The following LDAH variants were observed in gnomAD, a reference collection of about 807,000 sequenced individuals.
LDAH encodes the protein lipid droplet associated hydrolase.
A neutral mutation model predicts 29.6 loss-of-function variants in LDAH; 26 were observed. The observed-to-expected ratio is 0.88, with a 90% CI of 0.64 to 1.22. LDAH has a LOEUF of 1.22. Ranked by LOEUF, LDAH falls within the 50% of genes most tolerant of loss-of-function variation. The pLI, the probability that LDAH is intolerant of heterozygous loss-of-function variation, is 0.00. For synonymous variants in LDAH, 117 were observed against 133.0 expected, an observed-to-expected ratio of 0.88 and a Z score of 0.83; for missense variants, 344 against 387.3, an observed-to-expected ratio of 0.89 and a Z score of 0.94.
intron 2 of LDAH, among the ~76,000 whole-genome samples, chr2:20,798,739 T>A (rs1291245051): frequency 2.6e-5 from 4 of 151,872 alleles, no homozygotes; most frequent in African/African-American, 9.7e-5. Context: ...AAGCTAATCT[T>A]TTTCTTTCAT....
chr2:20,796,792 T>G (rs1671333429), intron 2 of LDAH, among the ~76,000 whole-genome samples: 1 of 152,108 alleles, frequency 6.6e-6, no homozygotes, highest in Non-Finnish European at 1.5e-5. Context: ...TGACACCAAC[T>G]TTAAGAACCA....
At chr2:20,765,723 T>C (rs1042527432) in intron 4 of LDAH, among the ~76,000 whole-genome samples, 1 of 152,128 alleles carries the variant, frequency 6.6e-6, no homozygotes, top group Non-Finnish European at 1.5e-5. Context: ...CTCATGATCC[T>C]CCTACGTAGC....
intron 3 of LDAH, among the ~76,000 whole-genome samples, chr2:20,777,903 C>G (rs1175893357): frequency 6.6e-6 from 1 of 152,106 alleles, no homozygotes; most frequent in East Asian, 1.9e-4. Flanking sequence ...TCAATTGTAT[C>G]AAAACCAGAA....
chr2:20,695,695 G>A (rs1003977462), intron 6 of LDAH, among the ~76,000 whole-genome samples: 9 of 152,018 alleles, frequency 5.9e-5, no homozygotes, highest in Non-Finnish European at 1.3e-4. Context: ...TGATCCACCC[G>A]CCTCGGCCTC....
intron 1 of LDAH, among the ~76,000 whole-genome samples, chr2:20,818,360 G>T (rs1673000401): frequency 6.6e-6 from 1 of 152,068 alleles, no homozygotes; most frequent in African/African-American, 2.4e-5. Context: ...GGAAAATTGG[G>T]AATCTTAGCA....
At chr2:20,745,040 TA>T (rs2124860918) in intron 4 of LDAH, among the ~76,000 whole-genome samples, 1 of 152,326 alleles carries the variant, frequency 6.6e-6, no homozygotes, top group Admixed American at 6.5e-5. Flanking sequence ...CTTAGCTTTT[TA>T]CTTGTTAGGG....
At chr2:20,706,842 A>G (rs1319244680) in intron 5 of LDAH, among the ~76,000 whole-genome samples, 1 of 152,254 alleles carries the variant, frequency 6.6e-6, no homozygotes, top group East Asian at 1.9e-4. Context: ...TTATCATTTG[A>G]AAAGTTTTCA....
chr2:20,804,946 C>G (rs1671958559), intron 1 of LDAH, among the ~76,000 whole-genome samples: 1 of 152,124 alleles, frequency 6.6e-6, no homozygotes, highest in Non-Finnish European at 1.5e-5. Flanking sequence ...CTATCACAAA[C>G]TACAGTATAT....
intron 6 of LDAH, among the ~76,000 whole-genome samples, chr2:20,692,618 T>C (rs991287162): frequency 6.6e-6 from 1 of 152,242 alleles, no homozygotes; most frequent in Non-Finnish European, 1.5e-5. Context: ...ATATTTGTTG[T>C]TGGTGTTAAC....
At chr2:20,794,125 C>A (rs1671152745) in intron 2 of LDAH, among the ~76,000 whole-genome samples, 1 of 152,106 alleles carries the variant, frequency 6.6e-6, no homozygotes, top group African/African-American at 2.4e-5. Context: ...CAAGGAGTAG[C>A]AAGTCACATC....
chr2:20,716,565 T>C (rs1278060816), intron 5 of LDAH, among the ~76,000 whole-genome samples: 6 of 40,426 alleles, frequency 1.5e-4, no homozygotes, highest in African/African-American at 4.8e-4. Context: ...CATCACACAG[T>C]GGGGCCTGTC....
At chr2:20,693,461 T>C (rs1370131027) in intron 6 of LDAH, among the ~76,000 whole-genome samples, 2 of 152,112 alleles carry the variant, frequency 1.3e-5, no homozygotes, top group Admixed American at 6.5e-5. Flanking sequence ...ATCTAAAAAA[T>C]GTACATGTCA....
At position 20,727,940 on chromosome 2, in the gene LDAH, C is replaced by T. The variant is rs192378909; in HGVS notation, c.703+12031G>A. 3.8e-3 allele frequency among the ~76,000 whole-genome samples: 575 copies of T among 152,306 alleles called. 4 individuals are homozygous for T. Among genetic ancestry groups the T allele is most frequent in the Admixed American group, 5.3e-3 (81 of 15,304 alleles). Reference sequence around the variant, plus strand: ...ATGCTGGATAGGAAATGACATTTCACTCACTCATACTAGAGAAGAACGCTA... The same window carrying T: ...ATGCTGGATAGGAAATGACATTTCATTCACTCATACTAGAGAAGAACGCTA... On this transcript the variant is annotated intron_variant, in intron 5 of 6. Coordinates refer to ENST00000237822, the MANE Select transcript of LDAH (RefSeq NM_021925.4).
At chr2:20,756,461 A>T (rs1416426233) in intron 4 of LDAH, among the ~76,000 whole-genome samples, 1 of 152,322 alleles carries the variant, frequency 6.6e-6, no homozygotes, top group Admixed American at 6.5e-5. Context: ...GAATGAATAC[A>T]GACAATGCAG....
intron 5 of LDAH, among the ~76,000 whole-genome samples, chr2:20,738,526 C>T (rs553722984): frequency 1.1e-4 from 17 of 152,056 alleles, no homozygotes; most frequent in South Asian, 6.2e-4. Flanking sequence ...CTTTCTTGCG[C>T]GAGATCCAAG....
rs201018144 is a variant in LDAH at position 20,742,886 on chromosome 2, A to G, written c.469-2681T>C. 4.8e-5 allele frequency among the ~76,000 whole-genome samples: 7 copies of G among 147,250 alleles called. No individual in the cohort carries two copies. In the East Asian group the frequency reaches 1.4e-3, roughly 29 times the overall value. On this transcript the variant is annotated intron_variant, in intron 4 of 6. Transcript: ENST00000237822. ...GAGATCCTCCCACTTCAGCCTTCTG[A>G]GTAGCTGGGGCTACAGGCACACACC...
intron 4 of LDAH, among the ~76,000 whole-genome samples, chr2:20,757,703 C>A (rs116533603): frequency 6.6e-6 from 1 of 152,108 alleles, no homozygotes; most frequent in African/African-American, 2.4e-5. Context: ...TGTGAGTGAG[C>A]CTCATCCAAT....
At chr2:20,716,722 A>ATATATATATATATATATG (rs1184057359) in intron 5 of LDAH, among the ~76,000 whole-genome samples, 1 of 143,000 alleles carries the variant, frequency 7.0e-6, no homozygotes, top group Non-Finnish European at 1.5e-5. Flanking sequence ...AACTTTAAGT[A>ATATATATATATATATATG]TATATACATA....
intron 4 of LDAH, among the ~76,000 whole-genome samples, chr2:20,772,351 C>A (rs1669489986): frequency 6.6e-6 from 1 of 152,172 alleles, no homozygotes; most frequent in Admixed American, 6.5e-5. Flanking sequence ...GTTTAAGACA[C>A]CTGGAACAAC....
Sources: gnomAD v4.1 joint callset for allele counts (sites outside exome capture counted in the v4.1 genomes callset) on GRCh38, gnomAD v4.1.1 for gene constraint, MANE v1.5 for transcripts, NCBI Gene and HGNC (gene_info 2026-07-23, HGNC 2026-07-21) for gene names.